TAFA1: variants seen among roughly 807,000 people sequenced by gnomAD.
TAFA1 encodes the protein TAFA chemokine like family member 1, also known as chemokine-like protein TAFA-1.
TAFA1 carries 4 observed loss-of-function variants against 18.5 expected under a neutral mutation model. The ratio of observed to expected loss-of-function variants is 0.22; its 90% CI spans 0.11 to 0.49. TAFA1 has a LOEUF of 0.49. TAFA1 is among the 20% of genes least tolerant of loss of function. The probability of loss-of-function intolerance (pLI) is 0.98; values close to 1 mark genes in which losing one functional copy is unlikely to be tolerated. For synonymous variants in TAFA1, 56 were observed against 55.2 expected (o/e 1.01, Z -0.06); for missense variants, 147 against 169.0 (o/e 0.87, Z 0.72).
intron 2 of TAFA1, among the ~76,000 whole-genome samples, chr3:68,125,145 G>A (rs987814904): frequency 6.6e-6 from 1 of 152,188 alleles, no homozygotes; most frequent in Non-Finnish European, 1.5e-5. Context: ...GAGTTCATAG[G>A]TTTGAATCTT....
intron 3 of TAFA1, among the ~76,000 whole-genome samples, chr3:68,426,721 A>C (rs1301802432): frequency 6.6e-6 from 1 of 151,954 alleles, no homozygotes; most frequent in Non-Finnish European, 1.5e-5. Context: ...AACAAAGAAG[A>C]TGATAAATAG....
intron 2 of TAFA1, among the ~76,000 whole-genome samples, chr3:68,385,206 T>C (rs1452540747): frequency 6.6e-6 from 1 of 152,106 alleles, no homozygotes; most frequent in Non-Finnish European, 1.5e-5. Context: ...TAATGTAGCA[T>C]CTAGACTATT....
chr3:68,324,007 C>CCA (rs1463939587), intron 2 of TAFA1, among the ~76,000 whole-genome samples: 1 of 152,134 alleles, frequency 6.6e-6, no homozygotes, highest in East Asian at 1.9e-4. Flanking sequence ...ACCAACTTTC[C>CCA]CACTTTATTT....
intron 2 of TAFA1, among the ~76,000 whole-genome samples, chr3:68,161,658 G>T (rs752864693): frequency 6.6e-6 from 1 of 152,126 alleles, no homozygotes. Context: ...ATATCATTTT[G>T]CTAGTGAGAA....
intron 2 of TAFA1, among the ~76,000 whole-genome samples, chr3:68,376,826 C>T (rs1267956007): frequency 6.6e-6 from 1 of 152,078 alleles, no homozygotes; most frequent in Admixed American, 6.5e-5. Context: ...ATTGTAATTC[C>T]CACATGTTGA....
At chr3:68,097,616 G>A (rs1198323227) in intron 2 of TAFA1, among the ~76,000 whole-genome samples, 1 of 152,142 alleles carries the variant, frequency 6.6e-6, no homozygotes, top group Non-Finnish European at 1.5e-5. Context: ...AGGCAAACAT[G>A]TCCCCTGCCT....
rs552503417 is a variant in TAFA1, at chr3:68,220,383, C to T, written c.119-196897C>T. Reference sequence around the variant, plus strand: ...CAGATAAGGGGGCATTTATGCTGAGCCTGGAATAAAAGCAGGCTCACAACT... The same window carrying T: ...CAGATAAGGGGGCATTTATGCTGAGTCTGGAATAAAAGCAGGCTCACAACT... On this transcript the variant is annotated intron_variant, in intron 2 of 4. Coordinates refer to ENST00000478136, the MANE Select transcript of TAFA1 (RefSeq NM_213609.4). Among the ~76,000 whole-genome samples, 225 of 152,122 alleles carry T rather than the reference C, an allele frequency of 1.5e-3. 1 individual carries two copies. The highest frequency in any genetic ancestry group is 3.3e-3 in the South Asian group (16 of 4,808).
intron 3 of TAFA1, among the ~76,000 whole-genome samples, chr3:68,485,853 T>G (rs1312590099): frequency 6.6e-6 from 1 of 152,184 alleles, no homozygotes. Flanking sequence ...GATCATTGAC[T>G]ATCTCTCCAG....
intron 2 of TAFA1, among the ~76,000 whole-genome samples, chr3:68,120,171 C>CCCTTTCTT (rs2065373478): frequency 1.2e-5 from 1 of 84,436 alleles, no homozygotes; most frequent in African/African-American, 4.5e-5. Flanking sequence ...CTCTTTCTTT[C>CCCTTTCTT]TCTTTCTTTC....
At chr3:68,163,345 T>G (rs1169929569) in intron 2 of TAFA1, among the ~76,000 whole-genome samples, 1 of 152,214 alleles carries the variant, frequency 6.6e-6, no homozygotes, top group East Asian at 1.9e-4. Flanking sequence ...CTGTATTACC[T>G]TTGGCCAATA....
At chr3:68,359,273 C>T (rs1483358155) in intron 2 of TAFA1, among the ~76,000 whole-genome samples, 1 of 151,908 alleles carries the variant, frequency 6.6e-6, no homozygotes, top group African/African-American at 2.4e-5. Context: ...CTTGGGTTGG[C>T]CACTGTGATA....
At chr3:68,123,225 C>T (rs1255757055) in intron 2 of TAFA1, among the ~76,000 whole-genome samples, 2 of 152,130 alleles carry the variant, frequency 1.3e-5, no homozygotes, top group African/African-American at 4.8e-5. Flanking sequence ...AAAGTAGAGG[C>T]ACTCACCAGG....
chr3:68,423,453 A>T (rs1160217319), intron 3 of TAFA1, among the ~76,000 whole-genome samples: 1 of 152,148 alleles, frequency 6.6e-6, no homozygotes, highest in Non-Finnish European at 1.5e-5. Flanking sequence ...CTCTTAACTG[A>T]CATGAACACA....
Position 68,543,751 on chromosome 3 carries a change from A to ATTTAT in TAFA1, c.385-735_385-734insTTTAT, listed in dbSNP as rs2073414538. Among the ~76,000 whole-genome samples the ATTTAT allele has an allele frequency of 3.3e-5, 5 of 152,274 alleles. No homozygotes were observed. In the South Asian group the frequency reaches 8.3e-4, roughly 25 times the overall value. ...ATTGTTATTTATGCTTGAAGTTAGT[A>ATTTAT]GTTCTCTGTACATGCGTCCTTTTGA... On this transcript the variant is annotated intron_variant, in intron 4 of 4. Transcript: ENST00000478136.
chr3:68,119,148 A>T (rs1015111215), intron 2 of TAFA1, among the ~76,000 whole-genome samples: 2 of 151,790 alleles, frequency 1.3e-5, no homozygotes, highest in African/African-American at 4.8e-5. Flanking sequence ...GCATCTTTTC[A>T]TGTGCTTATT....
chr3:68,128,028 G>A lies in TAFA1; in HGVS notation c.118+121284G>A, dbSNP rs868013787. On this transcript the variant is annotated intron_variant, in intron 2 of 4. Transcript: ENST00000478136. ...TGATAACTAGTGTTTATTATGGTTC[G>A]GAAGCTCTACCTCTCCCTGAGTCCT... Among the ~76,000 whole-genome samples, 10 of 150,602 alleles carry A rather than the reference G, an allele frequency of 6.6e-5. No homozygotes were observed. In the South Asian group the frequency reaches 1.2e-3, roughly 19 times the overall value.
chr3:68,497,241 C>T (rs555320664), intron 3 of TAFA1, among the ~76,000 whole-genome samples: 2 of 152,256 alleles, frequency 1.3e-5, no homozygotes, highest in South Asian at 4.1e-4. Context: ...ATTAACCCAA[C>T]TTTAATTCTT....
intron 2 of TAFA1, among the ~76,000 whole-genome samples, chr3:68,407,336 A>G (rs2070631396): frequency 6.6e-6 from 1 of 152,040 alleles, no homozygotes; most frequent in South Asian, 2.1e-4. Flanking sequence ...ATTGCAATCC[A>G]GGGCATTCAC....
intron 2 of TAFA1, among the ~76,000 whole-genome samples, chr3:68,114,326 C>T (rs543711269): frequency 6.6e-6 from 1 of 152,218 alleles, no homozygotes; most frequent in South Asian, 2.1e-4. Context: ...TAAACCTAGC[C>T]TAGAGCAGAA....
Sources: gnomAD v4.1 joint callset for allele counts (sites outside exome capture counted in the v4.1 genomes callset) on GRCh38, gnomAD v4.1.1 for gene constraint, MANE v1.5 for transcripts, NCBI Gene and HGNC (gene_info 2026-07-23, HGNC 2026-07-21) for gene names.